Variants in MANBA observed in about 807,000 individuals in gnomAD.
MANBA encodes beta-mannosidase.
In MANBA, 83 loss-of-function variants were observed where a neutral mutation model predicts 111.1. The ratio of observed to expected loss-of-function variants is 0.75; its 90% CI spans 0.63 to 0.90. The LOEUF (loss-of-function observed/expected upper bound fraction) is 0.90, where lower values mean the gene tolerates loss of function less well. Ranked by LOEUF, MANBA falls within the 40% of genes least tolerant of loss-of-function variation. The probability of loss-of-function intolerance (pLI) is 0.00; values close to 1 mark genes in which losing one functional copy is unlikely to be tolerated. For missense variants in MANBA, 1,036 were observed against 1,069.0 expected (o/e 0.97, Z 0.43); for synonymous variants, 370 against 378.7 (o/e 0.98, Z 0.27).
intron 11 of MANBA, among the ~76,000 whole-genome samples, chr4:102,661,451 T>C (rs1730951778): frequency 6.6e-6 from 1 of 152,176 alleles, no homozygotes; most frequent in Admixed American, 6.5e-5. Context: ...CAATAAGTAC[T>C]CAGTAGATGT....
At chr4:102,750,414 A>G (rs1723746743) in intron 1 of MANBA, among the ~76,000 whole-genome samples, 1 of 152,182 alleles carries the variant, frequency 6.6e-6, no homozygotes, top group Non-Finnish European at 1.5e-5. Context: ...TATAACAACC[A>G]GAAAACCTTC....
chr4:102,721,833 G>C (rs1200210700), intron 4 of MANBA, among the ~76,000 whole-genome samples: 1 of 151,936 alleles, frequency 6.6e-6, no homozygotes, highest in Non-Finnish European at 1.5e-5. Flanking sequence ...TTAGAGACCA[G>C]CCTGGGCAAC....
intron 1 of MANBA, among the ~76,000 whole-genome samples, chr4:102,757,135 G>A (rs1356966757): frequency 6.6e-6 from 1 of 152,098 alleles, no homozygotes; most frequent in Non-Finnish European, 1.5e-5. Flanking sequence ...TTCAAGACCA[G>A]CCTGACCAAC....
At chr4:102,752,690 G>T (rs1207908933) in intron 1 of MANBA, 5 of 478,754 alleles carry the variant, frequency 1.0e-5, no homozygotes, top group Non-Finnish European at 1.7e-5. Context: ...AATGAACTTG[G>T]TAGAAAATCA....
intron 8 of MANBA, chr4:102,671,760 G>T: frequency 2.3e-6 from 1 of 428,746 alleles, no homozygotes; most frequent in Non-Finnish European, 4.1e-6. Flanking sequence ...ATCAAGACTT[G>T]AGTATTAGTG....
chr4:102,714,352 A>G, intron 5 of MANBA, 86 bp downstream of exon 5: 1 of 1,306,948 alleles, frequency 7.7e-7, no homozygotes, highest in Non-Finnish European at 1.1e-6. Context: ...AATCTCTGAA[A>G]AACATACCTC....
intron 4 of MANBA, chr4:102,722,343 G>A (rs1324289686): frequency 6.3e-6 from 1 of 159,560 alleles, no homozygotes; most frequent in Non-Finnish European, 1.4e-5. Flanking sequence ...ATGTCACATA[G>A]AATACTGATT....
chr4:102,711,595 T>C (rs1046889919), intron 5 of MANBA, among the ~76,000 whole-genome samples: 3 of 152,052 alleles, frequency 2.0e-5, no homozygotes, highest in African/African-American at 7.2e-5. Context: ...AATCCAAGAA[T>C]CCCACTAATA....
At chr4:102,750,184 A>T (rs73836857) in intron 1 of MANBA, among the ~76,000 whole-genome samples, 1 of 151,816 alleles carries the variant, frequency 6.6e-6, no homozygotes, top group African/African-American at 2.4e-5. Flanking sequence ...TTTTTTTTTT[A>T]ATTTTACTTT....
chr4:102,750,022 T>A (rs942828835), intron 1 of MANBA, among the ~76,000 whole-genome samples: 2 of 152,352 alleles, frequency 1.3e-5, no homozygotes, highest in South Asian at 2.1e-4. Flanking sequence ...CTGTTTTTTT[T>A]AAATGAGGGC....
chr4:102,669,782 C>G (rs1376819598), intron 9 of MANBA, among the ~76,000 whole-genome samples: 1 of 152,104 alleles, frequency 6.6e-6, no homozygotes, highest in Non-Finnish European at 1.5e-5. Flanking sequence ...AGATCGAGAC[C>G]ATCCTGGCTA....
Position 102,650,616 on chromosome 4 carries a change from T to TA in MANBA, c.1789dup (p.Tyr597LeufsTer20). ...GAGTTTGAAATGAAGTCCAGCCTGATAAAGCATTTGTTTGTTACCACCTTC... is the reference window on the plus strand; with the variant it reads ...GAGTTTGAAATGAAGTCCAGCCTGATAAAAGCATTTGTTTGTTACCACCTTC... On this transcript the variant is annotated frameshift_variant, in exon 13 of 17. Coordinates refer to ENST00000647097, the MANE Select transcript of MANBA (RefSeq NM_005908.4). LOFTEE classifies it high-confidence loss of function. 6.2e-7 allele frequency: 1 copy of TA among 1,613,426 alleles called. No individual in the cohort carries two copies.
chr4:102,745,461 G>A (rs563097375), intron 1 of MANBA, among the ~76,000 whole-genome samples: 2 of 152,096 alleles, frequency 1.3e-5, no homozygotes, highest in African/African-American at 2.4e-5. Flanking sequence ...AATCCATTTC[G>A]CAAAGCGTTG....
intron 7 of MANBA, among the ~76,000 whole-genome samples, 194 bp downstream of exon 7, chr4:102,689,374 ATATATG>A (rs1352970014): frequency 1.8e-4 from 17 of 92,600 alleles, no homozygotes; most frequent in African/African-American, 5.1e-4. Flanking sequence ...ATATATATAT[ATATATG>A]TGTGTGTGTA....
chr4:102,731,650 G>A (rs2110199840), intron 1 of MANBA, among the ~76,000 whole-genome samples: 1 of 152,242 alleles, frequency 6.6e-6, no homozygotes, highest in Middle Eastern at 3.4e-3. Context: ...GCACAGCCAT[G>A]CCCTTTCCTT....
Position 102,669,045 on chromosome 4 carries a change from C to CA in MANBA, c.1234dup (p.Trp412LeufsTer14), listed in dbSNP as rs1731366707. 6.2e-7 allele frequency: 1 copy of CA among 1,610,710 alleles called. No individual in the cohort carries two copies. The highest frequency in any genetic ancestry group is 1.3e-5 in the African/African-American group (1 of 74,846). ...GGCACAGGCAAACATAAAATCCTGCCATACCTAGCAAATCAAATAAAAGGG... is the reference window on the plus strand; with the variant it reads ...GGCACAGGCAAACATAAAATCCTGCCAATACCTAGCAAATCAAATAAAAGGG... On this transcript the variant is annotated frameshift_variant, in exon 10 of 17. Transcript: ENST00000647097. LOFTEE classifies it high-confidence loss of function.
intron 1 of MANBA, among the ~76,000 whole-genome samples, chr4:102,751,176 T>C (rs1296058779): frequency 6.6e-6 from 1 of 152,244 alleles, no homozygotes; most frequent in Admixed American, 6.5e-5. Flanking sequence ...AATGTACTTA[T>C]GAGTGATAAC....
intron 1 of MANBA, chr4:102,728,072 C>A: frequency 3.8e-6 from 2 of 528,268 alleles, no homozygotes; most frequent in Non-Finnish European, 3.8e-6. Flanking sequence ...AGAAGGCACG[C>A]CCATGGAGAA....
chr4:102,747,895 G>T (rs1723644670), intron 1 of MANBA, among the ~76,000 whole-genome samples: 1 of 152,238 alleles, frequency 6.6e-6, no homozygotes, highest in Non-Finnish European at 1.5e-5. Context: ...ATTATGCAAG[G>T]TTTTCAAGGA....
Sources: allele counts gnomAD v4.1 joint callset (sites outside exome capture counted in the v4.1 genomes callset), GRCh38; gene constraint gnomAD v4.1.1; transcripts MANE v1.5; gene names NCBI Gene and HGNC (gene_info 2026-07-23, HGNC 2026-07-21).